FAM20B: variants seen among roughly 807,000 people sequenced by gnomAD.
FAM20B encodes the protein glycosaminoglycan xylosylkinase.
A neutral mutation model predicts 43.8 loss-of-function variants in FAM20B; 23 were observed. The ratio of observed to expected loss-of-function variants is 0.53; its 90% CI spans 0.38 to 0.74. FAM20B has a LOEUF of 0.74. FAM20B is among the 30% of genes least tolerant of loss of function. The pLI is 0.00. For missense variants in FAM20B, 440 were observed against 510.5 expected (o/e 0.86, Z 1.33); for synonymous variants, 178 against 192.4 (o/e 0.93, Z 0.62).
intron 1 of FAM20B, among the ~76,000 whole-genome samples, chr1:179,042,350 T>A (rs1650584302): frequency 6.6e-6 from 1 of 152,220 alleles, no homozygotes; most frequent in Admixed American, 6.5e-5. Flanking sequence ...CTGCCGGTTC[T>A]GTGTGAGTCT....
intron 1 of FAM20B, among the ~76,000 whole-genome samples, 191 bp from the exon 2 acceptor site, chr1:179,043,524 C>A (rs188550018): frequency 3.2e-4 from 48 of 152,346 alleles, no homozygotes; most frequent in African/African-American, 1.1e-3. Context: ...TTCGCAGCAG[C>A]TGCTCCAGTT....
At chr1:179,070,714 G>A (rs942970753) in intron 7 of FAM20B, among the ~76,000 whole-genome samples, 4 of 151,286 alleles carry the variant, frequency 2.6e-5, no homozygotes, top group African/African-American at 7.3e-5. Flanking sequence ...TAGTAGAGAC[G>A]GGGTTTTACC....
At chr1:179,051,574 C>G (rs1318646666) in intron 3 of FAM20B, among the ~76,000 whole-genome samples, 2 of 152,120 alleles carry the variant, frequency 1.3e-5, no homozygotes, top group African/African-American at 2.4e-5. Flanking sequence ...CTGCAGTGAG[C>G]TGTGATCACA....
chr1:179,067,402 C>T (rs561355544), intron 7 of FAM20B, among the ~76,000 whole-genome samples: 3 of 152,232 alleles, frequency 2.0e-5, no homozygotes, highest in Admixed American at 6.5e-5. Context: ...GTCAGGAGTT[C>T]GAGACCAGCC....
intron 7 of FAM20B, among the ~76,000 whole-genome samples, chr1:179,068,497 G>A (rs573324031): frequency 1.3e-5 from 2 of 151,908 alleles, no homozygotes; most frequent in Admixed American, 6.6e-5. Context: ...GTACAGTGGC[G>A]CGATCTCGGC....
At chr1:179,049,881 G>A (rs1423030269) in intron 2 of FAM20B, among the ~76,000 whole-genome samples, 1 of 152,082 alleles carries the variant, frequency 6.6e-6, no homozygotes. Flanking sequence ...CATTTCTTCA[G>A]GTCAGTCTAA....
chr1:179,047,148 C>T (rs1179868059), intron 2 of FAM20B, among the ~76,000 whole-genome samples: 1 of 152,106 alleles, frequency 6.6e-6, no homozygotes, highest in Non-Finnish European at 1.5e-5. Flanking sequence ...AATGTTCAGA[C>T]AAGATATAAG....
intron 1 of FAM20B, chr1:179,035,182 C>T: frequency 2.5e-6 from 1 of 394,742 alleles, no homozygotes; most frequent in Non-Finnish European, 4.8e-6. Flanking sequence ...ATCTGTAGAC[C>T]CCCACACCAA....
intron 2 of FAM20B, among the ~76,000 whole-genome samples, chr1:179,044,678 C>G (rs532903262): frequency 1.3e-5 from 2 of 152,194 alleles, no homozygotes; most frequent in Non-Finnish European, 2.9e-5. Context: ...AGATGTACCA[C>G]AGCTTAATTA....
chr1:179,040,466 G>A (rs1342636028), intron 1 of FAM20B, among the ~76,000 whole-genome samples: 5 of 149,188 alleles, frequency 3.4e-5, no homozygotes, highest in African/African-American at 9.9e-5. Flanking sequence ...CCTCCCGGAC[G>A]AGGCGGCTAG....
At chr1:179,035,460 G>C in intron 1 of FAM20B, 1 of 706,660 alleles carries the variant, frequency 1.4e-6, no homozygotes, top group Non-Finnish European at 2.6e-6. Context: ...CAAACAGCTT[G>C]GGAAGCACAT....
chr1:179,035,356 C>G, intron 1 of FAM20B: 1 of 695,308 alleles, frequency 1.4e-6, no homozygotes, highest in South Asian at 1.4e-5. Context: ...AGGTCTAAAT[C>G]GGGGTAGGGG....
intron 6 of FAM20B, among the ~76,000 whole-genome samples, chr1:179,064,730 T>C (rs776160553): frequency 2.6e-5 from 4 of 152,200 alleles, no homozygotes; most frequent in Non-Finnish European, 5.9e-5. Flanking sequence ...ATGAGCCTCT[T>C]CTCAGACAAC....
chr1:179,028,638 CTT>C (rs1649888983), intron 1 of FAM20B, among the ~76,000 whole-genome samples: 1 of 152,202 alleles, frequency 6.6e-6, no homozygotes, highest in Non-Finnish European at 1.5e-5. Flanking sequence ...GAATCTGACT[CTT>C]AGTCCTTCTG....
rs767197590 is a variant in FAM20B at position 179,075,536 on chromosome 1, AAAAC to A, written c.*3396_*3399del. 6 of 152,778 alleles carry A rather than the reference AAAAC, an allele frequency of 3.9e-5. No homozygotes were observed. In the East Asian group the frequency reaches 1.2e-3, roughly 29 times the overall value. 9.5% of individuals were successfully genotyped at this position (152,778 alleles called of 1,614,324 possible). A position where few individuals can be genotyped will look rare whatever the true frequency, so the allele number is the denominator to read the frequency against. ...GGGAAATGTAAATAATTTTCTGTGTAAAACAAATTCATAGGATCTGATTTGCTCA... is the reference window on the plus strand; with the variant it reads ...GGGAAATGTAAATAATTTTCTGTGTAAAATTCATAGGATCTGATTTGCTCA... On this transcript the variant is annotated 3_prime_UTR_variant, in exon 8 of 8. Coordinates refer to ENST00000263733, the MANE Select transcript of FAM20B (RefSeq NM_014864.4).
At chr1:179,040,961 C>T (rs1212630001) in intron 1 of FAM20B, among the ~76,000 whole-genome samples, 27 of 148,622 alleles carry the variant, frequency 1.8e-4, no homozygotes, top group African/African-American at 6.8e-4. Context: ...CAGAGGCGCT[C>T]CTCACATCCC....
At chr1:179,023,543 G>A (rs1242798944), upstream of FAM20B, among the ~76,000 whole-genome samples, 2 of 152,190 alleles carry the variant, frequency 1.3e-5, no homozygotes, top group African/African-American at 4.8e-5. Flanking sequence ...CTTCATCTCT[G>A]CATGGTCTGG....
At chr1:179,019,028 A>G in the FAM20B span, among the ~76,000 whole-genome samples, 2 of 152,154 alleles carry the variant, frequency 1.3e-5, no homozygotes, top group Non-Finnish European at 2.9e-5. Context: ...CACATATTCA[A>G]CCTTCTTCTA....
intron 7 of FAM20B, among the ~76,000 whole-genome samples, chr1:179,067,563 C>CAT (rs1470169389): frequency 6.6e-6 from 1 of 151,924 alleles, no homozygotes; most frequent in East Asian, 1.9e-4. Context: ...GAGATTGTGC[C>CAT]ATTGCACTCC....
Sources: allele counts gnomAD v4.1 joint callset (sites outside exome capture counted in the v4.1 genomes callset), GRCh38; gene constraint gnomAD v4.1.1; transcripts MANE v1.5; gene names NCBI Gene and HGNC (gene_info 2026-07-23, HGNC 2026-07-21).